ARHGAP4: variants seen among roughly 807,000 people sequenced by gnomAD.
ARHGAP4 encodes the protein Rho GTPase activating protein 4.
A neutral mutation model predicts 67.6 loss-of-function variants in ARHGAP4; 25 were observed. The ratio of observed to expected loss-of-function variants is 0.37; its 90% CI spans 0.27 to 0.52. ARHGAP4 has a LOEUF of 0.52. ARHGAP4 is among the 20% of genes least tolerant of loss of function. The pLI is 0.92. For synonymous variants in ARHGAP4, 448 were observed against 373.7 expected, an observed-to-expected ratio of 1.20 and a Z score of -2.29; for missense variants, 804 against 854.6, an observed-to-expected ratio of 0.94 and a Z score of 0.74.
chrX:153,919,705 C>T, intron 5 of ARHGAP4: 1 of 1,141,520 alleles, frequency 8.8e-7, no homozygotes, highest in Non-Finnish European at 1.2e-6. Flanking sequence ...GAACGAGTAC[C>T]CCAAAGGGTA....
Position 153,910,098 on chromosome X carries a change from G to C in ARHGAP4, c.2157-13C>G. 8.3e-7 allele frequency: 1 copy of C among 1,210,678 alleles called. No individual in the cohort carries two copies. Among genetic ancestry groups the C allele is most frequent in the Non-Finnish European group, 1.1e-6 (1 of 895,082 alleles). ...CAGCTGGGCGTCCCTGAGGTTCAGG[G>C]CAGAGCGAGGCAGATGAGGGGGGCT... On this transcript the variant is annotated splice_polypyrimidine_tract_variant and intron_variant, in intron 17 of 21. Coordinates refer to ENST00000350060, the MANE Select transcript of ARHGAP4 (RefSeq NM_001666.5).
In ARHGAP4 at chrX:153,910,309, G is replaced by A. The variant is rs782508508; in HGVS notation, c.2018C>T (p.Pro673Leu). 5.7e-5 allele frequency: 69 copies of A among 1,208,366 alleles called. No individual in the cohort carries two copies. The highest frequency in any genetic ancestry group is 1.9e-4 in the South Asian group (11 of 56,672). Reference protein sequence around the residue: ...TLLPVPAGQDPVALQGRVNQL... With the variant: ...TLLPVPAGQDLVALQGRVNQL... ...GTTCACCCGGCCCTGCAGCGCCACCGGGTCCTGCCCAGCGGGCACCGGTAG... is the reference window on the plus strand; with the variant it reads ...GTTCACCCGGCCCTGCAGCGCCACCAGGTCCTGCCCAGCGGGCACCGGTAG... The change falls in exon 17 of 22, where the codon CCG (proline) becomes CTG (leucine). Residue 673 changes from proline to leucine, a missense_variant. Pro to Leu is a moderately conservative substitution (Grantham distance 98). Coordinates refer to ENST00000350060, the MANE Select transcript of ARHGAP4 (RefSeq NM_001666.5).
intron 5 of ARHGAP4, 87 bp downstream of exon 5, chrX:153,920,539 C>T (rs1557105011): frequency 9.8e-7 from 1 of 1,023,060 alleles, no homozygotes; most frequent in African/African-American, 1.9e-5. Context: ...TCCCCTGCAC[C>T]CAGCCCTGAC....
At chrX:153,922,603 G>T in intron 1 of ARHGAP4, 1 of 188,090 alleles carries the variant, frequency 5.3e-6, no homozygotes, top group Non-Finnish European at 8.2e-6. Flanking sequence ...AGAAGTGCCT[G>T]TCCAGCAAGT....
chrX:153,910,077 T>C lies in ARHGAP4; in HGVS notation c.2165A>G (p.Gln722Arg), dbSNP rs1557102560. 1 of 1,211,200 alleles carries C rather than the reference T, an allele frequency of 8.3e-7. No individual in the cohort carries two copies. The highest frequency in any genetic ancestry group is 3.0e-5 in the East Asian group (1 of 33,809). ...ATTGTCCGCCCCCAGGCTCTCCAGC[T>C]GGGCGTCCCTGAGGTTCAGGGCAGA... ...PPSASCLGDA[Q>R]LESLGADNEP... is the part of the protein sequence containing the mutation. The change falls in exon 18 of 22, where the codon CAG becomes CGG. Residue 722 changes from glutamine (Q) to arginine (R), a missense_variant. Physicochemically the swap from Gln to Arg is conservative, Grantham distance 43 (BLOSUM62 1). Coordinates refer to ENST00000350060, the MANE Select transcript of ARHGAP4 (RefSeq NM_001666.5).
rs782143254 is a variant in ARHGAP4 at position 153,919,203 on chromosome X, G to A, written c.762C>T (p.Asn254=). The change falls in exon 6 of 22, where the codon AAC becomes AAT. Residue 254 remains asparagine, a synonymous_variant. Transcript: ENST00000350060. The part of the protein sequence containing the change: ...NEYLLSLASV[N]AAVSNYYLHD... ...GCAGGTAGTAGTTACTGACAGCAGC[G>A]TTGACACTAGCCAGGCTAAGCAGGT... 14 of 1,211,034 alleles carry A rather than the reference G, an allele frequency of 1.2e-5. 1 individual carries two copies. Among genetic ancestry groups the A allele is most frequent in the Middle Eastern group, 2.3e-4 (1 of 4,356 alleles).
chrX:153,914,993 C>G (rs1215859367), intron 7 of ARHGAP4, among the ~76,000 whole-genome samples: 1 of 112,530 alleles, frequency 8.9e-6, no homozygotes, highest in African/African-American at 3.2e-5. Flanking sequence ...TTGCCCTGCT[C>G]TCCATCTCCA....
chrX:153,912,855 C>T (rs1289740348), intron 11 of ARHGAP4, 53 bp from the exon 12 acceptor site: 12 of 1,116,746 alleles, frequency 1.1e-5, no homozygotes, highest in Non-Finnish European at 1.5e-5. Context: ...GAATAGGGTG[C>T]CCCACCCCCC....
Position 153,909,132 on chromosome X carries a change from A to G in ARHGAP4, c.2545T>C (p.Ser849Pro), listed in dbSNP as rs1333351581. The change falls in exon 21 of 22, where the codon TCT (serine) becomes CCT (proline). Residue 849 changes from serine (S) to proline (P), a missense_variant. Coordinates refer to ENST00000350060, the MANE Select transcript of ARHGAP4 (RefSeq NM_001666.5). ...ACCAAGCAGCGTCGTCTGTGTCCAG[A>G]GGGTCCCATGGCCTCAGGTGAGGTG... is the stretch of plus-strand genomic sequence containing the variant. ...PCTSPEAMGP[S>P]GHRRRCLVPA... The G allele has an allele frequency of 5.8e-6, 7 of 1,209,857 alleles. No individual in the cohort carries two copies. The highest frequency in any genetic ancestry group is 7.8e-6 in the Non-Finnish European group (7 of 895,110).
At chrX:153,913,655 G>C (rs1466287293) in intron 8 of ARHGAP4, 55 bp from the exon 9 acceptor site, 3 of 1,174,512 alleles carry the variant, frequency 2.6e-6, no homozygotes, top group East Asian at 6.0e-5. Flanking sequence ...GAGGGAGACA[G>C]GAAGTCCAAG....
rs782562632 is a variant in ARHGAP4 at position 153,921,085 on chromosome X, C to T, written c.498+12G>A. ...ACCATTGGGGCAGGCCCCTCCCCAG[C>T]CCTTTCCTCACCGTCTGGAGCTCTG... On this transcript the variant is annotated intron_variant, in intron 4 of 21. Coordinates refer to ENST00000350060, the MANE Select transcript of ARHGAP4 (RefSeq NM_001666.5). The T allele has an allele frequency of 8.3e-7, 1 of 1,199,599 alleles. No individual in the cohort carries two copies. Among genetic ancestry groups the T allele is most frequent in the Admixed American group, 2.2e-5 (1 of 45,060 alleles).
chrX:153,913,338 C>T (rs1174271299), intron 9 of ARHGAP4, 36 bp from the exon 10 acceptor site: 1 of 1,200,139 alleles, frequency 8.3e-7, no homozygotes, highest in Non-Finnish European at 1.1e-6. Flanking sequence ...AGTGTTAGCC[C>T]TGGCTTGAGC....
chrX:153,914,590 G>A lies in ARHGAP4; in HGVS notation c.1033-711C>T, dbSNP rs193113892. On this transcript the variant is annotated intron_variant, in intron 7 of 21. Coordinates refer to ENST00000350060, the MANE Select transcript of ARHGAP4 (RefSeq NM_001666.5). ...CATGCGCCTGTAGTCCCAGCTACTT[G>A]GGAGGCTGAGGCAGGGGAATCGCTT... is the stretch of plus-strand genomic sequence containing the variant. Among the ~76,000 whole-genome samples, 371 of 112,309 alleles carry A rather than the reference G, an allele frequency of 3.3e-3. 3 individuals are homozygous for A. The highest frequency in any genetic ancestry group is 3.2e-3 in the Non-Finnish European group (171 of 53,231).
chrX:153,918,838 C>T lies in ARHGAP4; in HGVS notation c.1026G>A (p.Gly342=). 1.7e-6 allele frequency: 2 copies of T among 1,211,830 alleles called. No individual in the cohort carries two copies. The highest frequency in any genetic ancestry group is 2.2e-6 in the Non-Finnish European group (2 of 895,245). ...PLRFDYHPHD[G]DEVAEICVEM... is the part of the protein sequence containing the mutation. ...AGCAGGGGGTGACCCTCACCTCATC[C>T]CCATCATGGGGGTGGTAGTCAAAGC... Residue 342 remains glycine (G), a synonymous_variant, in exon 7 of 22, where the codon GGG becomes GGA. Coordinates refer to ENST00000350060, the MANE Select transcript of ARHGAP4 (RefSeq NM_001666.5).
intron 17 of ARHGAP4, 43 bp from the exon 18 acceptor site, chrX:153,910,128 T>C: frequency 8.3e-7 from 1 of 1,209,130 alleles, no homozygotes; most frequent in South Asian, 1.8e-5. Flanking sequence ...GGGGCTCTTC[T>C]CCAGTGGACC....
chrX:153,913,550 G>A lies in ARHGAP4; in HGVS notation c.1185C>T (p.Ala395=). The change falls in exon 9 of 22, where the codon GCC becomes GCT. Residue 395 remains alanine, a synonymous_variant. Coordinates refer to ENST00000350060, the MANE Select transcript of ARHGAP4 (RefSeq NM_001666.5). ...ATLQALLEVV[A]SDDGDVLDSF... is the part of the protein sequence containing the mutation. ...AATCAAGCACATCCCCGTCATCCGA[G>A]GCCACCACCTCCAGCAGGGCCTGCA... 1.7e-6 allele frequency: 2 copies of A among 1,211,700 alleles called. No homozygotes were observed. The highest frequency in any genetic ancestry group is 2.2e-6 in the Non-Finnish European group (2 of 895,351).
At chrX:153,908,963 A>C in intron 21 of ARHGAP4, 107 bp downstream of exon 21, 1 of 827,114 alleles carries the variant, frequency 1.2e-6, no homozygotes. Flanking sequence ...AGCTAAGGCC[A>C]GGGAGGGCAA....
chrX:153,913,945 G>A, intron 7 of ARHGAP4, 66 bp from the exon 8 acceptor site: 1 of 1,031,622 alleles, frequency 9.7e-7, no homozygotes, highest in Non-Finnish European at 1.3e-6. Flanking sequence ...GATCCCCGGG[G>A]CATAAGGGAA....
rs369228747 is a variant in ARHGAP4, at chrX:153,910,214, C to T, written c.2113G>A (p.Val705Ile). The change falls in exon 17 of 22, where the codon GTC (valine) becomes ATC (isoleucine). Residue 705 changes from valine to isoleucine, a missense_variant. This residue lies in a region of ARHGAP4 where 400 missense variants were observed against 348.7 expected (regional missense o/e 1.15). Transcript: ENST00000350060. ...GGCGGTGCCATGCACTTCTCGTAGA[C>T]GGGGCCAGGCAGCGAGGTCAGGGGC... ...FPPLTSLPGP[V>I]YEKCMAPPSA... The T allele has an allele frequency of 1.6e-4, 193 of 1,209,918 alleles. 6 individuals carry two copies. Among genetic ancestry groups the T allele is most frequent in the East Asian group, 1.1e-3 (36 of 33,744 alleles).
Sources: allele counts gnomAD v4.1 joint callset (sites outside exome capture counted in the v4.1 genomes callset), GRCh38; gene constraint gnomAD v4.1.1; regional missense constraint gnomAD v4.1.1; transcripts MANE v1.5; gene names NCBI Gene and HGNC (gene_info 2026-07-23, HGNC 2026-07-21).